The following PEAK1 variants were observed in gnomAD, a reference collection of about 807,000 sequenced individuals.
The protein encoded by PEAK1 is pseudopodium enriched atypical kinase 1, also known as inactive tyrosine-protein kinase PEAK1.
Under a neutral mutation model 124.7 loss-of-function variants are expected in PEAK1, and 54 were observed. That is an observed-to-expected ratio of 0.43 (90% CI 0.35 to 0.54). The LOEUF (loss-of-function observed/expected upper bound fraction) is 0.54. Among genes scored for constraint, PEAK1 ranks in the 20% least tolerant of loss-of-function variants. The pLI is 0.01. For synonymous variants in PEAK1, 719 were observed against 760.0 expected (o/e 0.95, Z 0.89); for missense variants, 2,046 against 2,134.5 (o/e 0.96, Z 0.82).
intron 6 of PEAK1, among the ~76,000 whole-genome samples, chr15:77,251,407 C>G (rs1390549448): frequency 6.6e-6 from 1 of 151,906 alleles, no homozygotes; most frequent in African/African-American, 2.4e-5. Flanking sequence ...TTTATAACTC[C>G]CAATTCTTTC....
At chr15:77,241,139 C>T (rs1411002378) in intron 6 of PEAK1, among the ~76,000 whole-genome samples, 1 of 152,130 alleles carries the variant, frequency 6.6e-6, no homozygotes. Flanking sequence ...TGCATCACAA[C>T]CAAGTGCGGT....
At chr15:77,121,562 G>C (rs560836203) in intron 9 of PEAK1, among the ~76,000 whole-genome samples, 6 of 152,224 alleles carry the variant, frequency 3.9e-5, no homozygotes, top group Admixed American at 3.9e-4. Flanking sequence ...GCTGCCCTGG[G>C]GGCTTGCTGA....
chr15:77,190,842 C>G (rs2057797685), intron 6 of PEAK1, among the ~76,000 whole-genome samples: 1 of 152,194 alleles, frequency 6.6e-6, no homozygotes, highest in African/African-American at 2.4e-5. Flanking sequence ...TGGCTGGCAG[C>G]TCCTTACCCA....
chr15:77,323,582 T>G (rs960043542), intron 2 of PEAK1, among the ~76,000 whole-genome samples: 2 of 152,072 alleles, frequency 1.3e-5, no homozygotes, highest in Admixed American at 6.6e-5. Context: ...ACAAGGGACG[T>G]GAAGGACCTC....
intron 7 of PEAK1, among the ~76,000 whole-genome samples, chr15:77,169,345 C>T (rs2056345821): frequency 6.6e-6 from 1 of 152,184 alleles, no homozygotes; most frequent in Admixed American, 6.5e-5. Flanking sequence ...GGGAGGTATT[C>T]TTACATTGAG....
intron 1 of PEAK1, among the ~76,000 whole-genome samples, chr15:77,409,266 T>C (rs1199496226): frequency 6.6e-6 from 1 of 152,220 alleles, no homozygotes; most frequent in Non-Finnish European, 1.5e-5. Context: ...ATTTCTATCA[T>C]CTTTTATATT....
chr15:77,133,181 G>A lies in PEAK1; in HGVS notation c.3901C>T (p.Leu1301=). 6.2e-7 allele frequency: 1 copy of A among 1,614,198 alleles called. No individual in the cohort carries two copies. Among genetic ancestry groups the A allele is most frequent in the Non-Finnish European group, 8.5e-7 (1 of 1,180,036 alleles). The change falls in exon 9 of 10, where the codon CTG becomes TTG. Residue 1301 remains leucine, a synonymous_variant. Transcript: ENST00000682557. This position sits in a 1 kb window ranked among gnomAD's most constrained non-coding sequence, Gnocchi z 4.2. ...RSLHTDALKK[L]AVKCEDLFMA... is the part of the protein sequence containing the mutation. ...AAAAGGTCTTCGCATTTAACAGCCA[G>A]TTTCTTCAAGGCATCTGTATGAAGG...
In PEAK1 at chr15:77,211,401, G is replaced by C. The variant is rs75130921; in HGVS notation, c.-114-29361C>G. On this transcript the variant is annotated intron_variant, in intron 6 of 9. Coordinates refer to ENST00000682557, the MANE Select transcript of PEAK1 (RefSeq NM_001385026.1). ...AATATTAAACATGGATGAAATTCTG[G>C]GTAGTACAGGTTCTACGGCTCCACT... Among the ~76,000 whole-genome samples the C allele has an allele frequency of 3.9e-5, 6 of 152,202 alleles. No homozygotes were observed. In the East Asian group the frequency reaches 7.7e-4, roughly 20 times the overall value.
chr15:77,393,101 C>T (rs2070612777), intron 1 of PEAK1, among the ~76,000 whole-genome samples: 1 of 152,176 alleles, frequency 6.6e-6, no homozygotes, highest in Admixed American at 6.5e-5. Context: ...AGGAGAATTG[C>T]CCATCCCAGC....
chr15:77,219,368 A>G (rs1327802438), intron 6 of PEAK1, among the ~76,000 whole-genome samples: 1 of 152,162 alleles, frequency 6.6e-6, no homozygotes, highest in Non-Finnish European at 1.5e-5. Flanking sequence ...GAGTGTACAC[A>G]TTGTTTATTT....
intron 6 of PEAK1, among the ~76,000 whole-genome samples, chr15:77,233,455 T>G (rs183820867): frequency 1.1e-3 from 170 of 152,330 alleles, no homozygotes; most frequent in African/African-American, 3.7e-3. Flanking sequence ...GTTACCACAC[T>G]TTTCTGGTTT....
At chr15:77,390,546 G>A (rs2070368405) in intron 1 of PEAK1, among the ~76,000 whole-genome samples, 1 of 152,160 alleles carries the variant, frequency 6.6e-6, no homozygotes, top group African/African-American at 2.4e-5. Context: ...CTGCACCTCT[G>A]TGGCTTCTCA....
chr15:77,238,020 G>A (rs2060198701), intron 6 of PEAK1, among the ~76,000 whole-genome samples: 1 of 151,978 alleles, frequency 6.6e-6, no homozygotes, highest in Admixed American at 6.6e-5. Flanking sequence ...TATTTCTCAT[G>A]TTTTCTTATA....
At chr15:77,201,312 A>T (rs544055368) in intron 6 of PEAK1, among the ~76,000 whole-genome samples, 14 of 136,892 alleles carry the variant, frequency 1.0e-4, no homozygotes, top group African/African-American at 3.9e-4. Flanking sequence ...ATCTCAGCTC[A>T]CTGCAAGCTC....
At chr15:77,397,073 C>A (rs1415770643) in intron 1 of PEAK1, among the ~76,000 whole-genome samples, 2 of 152,100 alleles carry the variant, frequency 1.3e-5, no homozygotes, top group African/African-American at 2.4e-5. Flanking sequence ...CAAAACCATT[C>A]TTTAAAACTC....
At chr15:77,257,115 C>A (rs1156260556) in intron 5 of PEAK1, among the ~76,000 whole-genome samples, 1 of 152,094 alleles carries the variant, frequency 6.6e-6, no homozygotes, top group Non-Finnish European at 1.5e-5. Context: ...TTTTCTTAAT[C>A]CAGTCTATCA....
rs992308520 is a variant in PEAK1, at chr15:77,150,284, C to G, written c.3331+8219G>C. Among the ~76,000 whole-genome samples, 4 of 152,008 alleles carry G rather than the reference C, an allele frequency of 2.6e-5. No individual in the cohort carries two copies. The South Asian group carries it at 8.3e-4, about 32-fold the overall frequency. On this transcript the variant is annotated intron_variant, in intron 8 of 9. Transcript: ENST00000682557. ...GACATTAAAGTCTAGTGGCTAAGAT[C>G]GACTCGATTCCAGCTGGTTAAACTC... is the stretch of plus-strand genomic sequence containing the variant.
intron 9 of PEAK1, among the ~76,000 whole-genome samples, chr15:77,119,381 A>G (rs2051703374): frequency 2.6e-5 from 4 of 152,252 alleles, no homozygotes; most frequent in Non-Finnish European, 1.5e-5. Flanking sequence ...GGGTTAATAA[A>G]GATCAGTGAG....
chr15:77,373,536 G>C (rs772381177), intron 1 of PEAK1, among the ~76,000 whole-genome samples: 1 of 152,094 alleles, frequency 6.6e-6, no homozygotes, highest in South Asian at 2.1e-4. Flanking sequence ...GTCTGGTAAC[G>C]TGTCACTGCC....
Sources: allele counts gnomAD v4.1 joint callset (sites outside exome capture counted in the v4.1 genomes callset), GRCh38; gene constraint gnomAD v4.1.1; non-coding constraint Gnocchi (gnomAD v3.1); transcripts MANE v1.5; gene names NCBI Gene and HGNC (gene_info 2026-07-23, HGNC 2026-07-21).